Variants in PXK observed in about 807,000 individuals in gnomAD.
The protein encoded by PXK is PX domain containing serine/threonine kinase like, also known as PX domain-containing protein kinase-like protein.
Under a neutral mutation model 84.7 loss-of-function variants are expected in PXK, and 35 were observed. That is an observed-to-expected ratio of 0.41 (90% CI 0.32 to 0.55). The LOEUF is 0.55. PXK is among the 20% of genes least tolerant of loss of function. The pLI is 0.21. For synonymous variants in PXK, 253 were observed against 260.8 expected (o/e 0.97, Z 0.29); for missense variants, 634 against 699.7 (o/e 0.91, Z 1.06).
At position 58,416,854 on chromosome 3, in the gene PXK, C is replaced by T. The variant is rs2061041170; in HGVS notation, c.1528+3891C>T. ...GCCAGGCTGGTCTTGAACTCCTGAC[C>T]TCAAAGTGATCCACCCGCCTCGGCC... is the stretch of plus-strand genomic sequence containing the variant. On this transcript the variant is annotated intron_variant, in intron 17 of 17. Coordinates refer to ENST00000356151, the MANE Select transcript of PXK (RefSeq NM_017771.5). The surrounding 1 kb of genome is among the most constrained non-coding windows in gnomAD (Gnocchi z 4.8). 6.6e-6 allele frequency among the ~76,000 whole-genome samples: 1 copy of T among 152,086 alleles called. No individual in the cohort carries two copies. The highest frequency in any genetic ancestry group is 2.1e-4 in the South Asian group (1 of 4,804).
rs1228395821 is a variant in PXK at position 58,397,025 on chromosome 3, A to G, written c.823-14A>G. 4 of 1,595,848 alleles carry G rather than the reference A, an allele frequency of 2.5e-6. No homozygotes were observed. Among genetic ancestry groups the G allele is most frequent in the East Asian group, 2.2e-5 (1 of 44,596 alleles). The stretch of plus-strand genomic sequence containing the variant: ...AGTTTGGGGAAAATGTAACTTTCCC[A>G]TATGTTTTGATAGGTACTGAAGTTT... On this transcript the variant is annotated splice_polypyrimidine_tract_variant and intron_variant, in intron 9 of 17. Transcript: ENST00000356151. The surrounding 1 kb of genome is among the most constrained non-coding windows in gnomAD (Gnocchi z 4.7).
chr3:58,408,820 C>G, intron 13 of PXK, 104 bp from the exon 14 acceptor site: 1 of 895,272 alleles, frequency 1.1e-6, no homozygotes, highest in Non-Finnish European at 1.8e-6. Context: ...CCGCGCCCGG[C>G]CGAAATGACT....
In PXK at chr3:58,333,271, G is replaced by A. The variant is rs906720740; in HGVS notation, c.102+181G>A. 2 of 271,748 alleles carry A rather than the reference G, an allele frequency of 7.4e-6. No individual in the cohort carries two copies. Among genetic ancestry groups the A allele is most frequent in the South Asian group, 6.0e-5 (1 of 16,572 alleles). The allele number at this position is 271,748 out of a possible 1,614,324, so 16.8% of individuals were successfully genotyped here. ...CTGGGTCAGGGCCCCTGGGGCCCAG[G>A]CGAACGCTGAGGCCCGGAGGGGCCA... On this transcript the variant is annotated intron_variant, in intron 1 of 17. Transcript: ENST00000356151. This position sits in a 1 kb window ranked among gnomAD's most constrained non-coding sequence, Gnocchi z 5.4.
chr3:58,343,626 G>A (rs1040894522), intron 1 of PXK, among the ~76,000 whole-genome samples: 1 of 152,230 alleles, frequency 6.6e-6, no homozygotes, highest in African/African-American at 2.4e-5. Flanking sequence ...TAGATGGTAA[G>A]GGGCGCAGGC....
intron 4 of PXK, among the ~76,000 whole-genome samples, chr3:58,389,720 G>A (rs937641418): frequency 2.0e-5 from 3 of 151,548 alleles, no homozygotes; most frequent in African/African-American, 4.8e-5. Flanking sequence ...CAGGCGTCGG[G>A]CAGGTGCAGT....
chr3:58,411,937 C>T lies in PXK; in HGVS notation c.1466-964C>T, dbSNP rs536980842. 6.6e-6 allele frequency among the ~76,000 whole-genome samples: 1 copy of T among 152,168 alleles called. No homozygotes were observed. Among genetic ancestry groups the T allele is most frequent in the South Asian group, 2.1e-4 (1 of 4,818 alleles). On this transcript the variant is annotated intron_variant, in intron 16 of 17. Coordinates refer to ENST00000356151, the MANE Select transcript of PXK (RefSeq NM_017771.5). The surrounding 1 kb of genome is among the most constrained non-coding windows in gnomAD (Gnocchi z 4.2). The stretch of plus-strand genomic sequence containing the variant: ...AAACTGGAGGGAGGTGTGGTTTAAT[C>T]AGGACATTTCTCATCATGGCCAGTG...
intron 13 of PXK, among the ~76,000 whole-genome samples, chr3:58,406,704 A>C (rs2059463871): frequency 6.6e-6 from 1 of 152,224 alleles, no homozygotes; most frequent in Non-Finnish European, 1.5e-5. Flanking sequence ...CTGAAACTCT[A>C]TACCCATAGA....
chr3:58,359,765 G>A (rs1025541739), intron 1 of PXK, among the ~76,000 whole-genome samples: 25 of 130,964 alleles, frequency 1.9e-4, no homozygotes, highest in Admixed American at 1.1e-3. Context: ...AAATGCTAAA[G>A]GACTGATCTC....
intron 1 of PXK, among the ~76,000 whole-genome samples, chr3:58,337,717 G>T (rs568469514): frequency 3.3e-5 from 5 of 152,206 alleles, no homozygotes; most frequent in African/African-American, 1.2e-4. Flanking sequence ...TGATCCTCCT[G>T]CCTCGGCCTC....
In PXK at chr3:58,407,706, A is replaced by C. The variant is rs1448923383; in HGVS notation, c.1231-1218A>C. ...CCTCCCAAGTAGATTACAGGCGTGC[A>C]CCACCACACCTGGCTAATTTTTGTA... On this transcript the variant is annotated intron_variant, in intron 13 of 17. Transcript: ENST00000356151. The surrounding 1 kb of genome is among the most constrained non-coding windows in gnomAD (Gnocchi z 4.3). Among the ~76,000 whole-genome samples, 6 of 151,956 alleles carry C rather than the reference A, an allele frequency of 3.9e-5. No individual in the cohort carries two copies. The highest frequency in any genetic ancestry group is 3.9e-4 in the Admixed American group (6 of 15,248).
intron 1 of PXK, among the ~76,000 whole-genome samples, chr3:58,354,404 C>T (rs2098018805): frequency 6.6e-6 from 1 of 151,294 alleles, no homozygotes; most frequent in Non-Finnish European, 1.5e-5. Flanking sequence ...TTTCCTTCCA[C>T]TCATGCAAGG....
chr3:58,359,324 G>A (rs983369189), intron 1 of PXK, among the ~76,000 whole-genome samples: 3 of 152,050 alleles, frequency 2.0e-5, no homozygotes, highest in Non-Finnish European at 4.4e-5. Flanking sequence ...GAGGTCAGGA[G>A]ATCGAGACCA....
At chr3:58,355,117 C>CT (rs2098042619) in intron 1 of PXK, among the ~76,000 whole-genome samples, 2 of 139,844 alleles carry the variant, frequency 1.4e-5, no homozygotes, top group South Asian at 4.8e-4. Context: ...AAGTGAGACT[C>CT]TGTCTCAAAG....
At chr3:58,415,397 A>G (rs2060805122) in intron 17 of PXK, among the ~76,000 whole-genome samples, 1 of 152,214 alleles carries the variant, frequency 6.6e-6, no homozygotes, top group Non-Finnish European at 1.5e-5. Context: ...GGAGCAGCTC[A>G]CAGAATTCAG....
At chr3:58,350,245 A>G (rs2097897691) in intron 1 of PXK, among the ~76,000 whole-genome samples, 1 of 152,084 alleles carries the variant, frequency 6.6e-6, no homozygotes, top group Admixed American at 6.5e-5. Context: ...ATAGTTTCTT[A>G]CTTGTACATA....
Position 58,421,079 on chromosome 3 carries a change from G to GC in PXK, c.1529-3671dup. ...TGACAGGAGTACAGCCTCCTCACCT[G>GC]CCTGAAGCCAAAGGAGAAGGTGGTT... On this transcript the variant is annotated intron_variant, in intron 17 of 17. Coordinates refer to ENST00000356151, the MANE Select transcript of PXK (RefSeq NM_017771.5). The surrounding 1 kb of genome is among the most constrained non-coding windows in gnomAD (Gnocchi z 5.5). The GC allele has an allele frequency of 1.0e-6, 1 of 992,924 alleles. No individual in the cohort carries two copies. Among genetic ancestry groups the GC allele is most frequent in the Non-Finnish European group, 1.2e-6 (1 of 835,058 alleles). 61.5% of individuals were successfully genotyped at this position (992,924 alleles called of 1,614,324 possible).
intron 17 of PXK, chr3:58,423,084 G>T (rs969589241): frequency 1.0e-6 from 1 of 985,302 alleles, no homozygotes; most frequent in East Asian, 1.1e-4. Context: ...ACTTGGTGTT[G>T]CAGTCAAGAG....
chr3:58,354,162 A>G (rs948268459), intron 1 of PXK, among the ~76,000 whole-genome samples: 7 of 152,164 alleles, frequency 4.6e-5, no homozygotes, highest in African/African-American at 1.4e-4. Context: ...CATTTCCTCC[A>G]GCAGAGGGAA....
rs115964019 is a variant in PXK, at chr3:58,354,855, C to T, written c.103-11019C>T. On this transcript the variant is annotated intron_variant, in intron 1 of 17. Transcript: ENST00000356151. ...GGCCAGGTGTGGTGGCAGTGGCTCG[C>T]GCTTGTAATCCCAACACTTTTGGAG... Among the ~76,000 whole-genome samples the T allele has an allele frequency of 8.4e-3, 1,283 of 152,110 alleles. 21 individuals are homozygous for T. The highest frequency in any genetic ancestry group is 0.03 in the African/African-American group (1,228 of 41,510).
Sources: allele counts gnomAD v4.1 joint callset (sites outside exome capture counted in the v4.1 genomes callset), GRCh38; gene constraint gnomAD v4.1.1; non-coding constraint Gnocchi (gnomAD v3.1); transcripts MANE v1.5; gene names NCBI Gene and HGNC (gene_info 2026-07-23, HGNC 2026-07-21).